RNF168: variants seen among roughly 807,000 people sequenced by gnomAD.
The protein encoded by RNF168 is E3 ubiquitin-protein ligase RNF168.
RNF168 carries 34 observed loss-of-function variants against 34.9 expected under a neutral mutation model. The ratio of observed to expected loss-of-function variants is 0.97; its 90% CI spans 0.74 to 1.30. The LOEUF is 1.30. RNF168 is among the 50% of genes most tolerant of loss of function. The pLI, the probability that RNF168 is intolerant of heterozygous loss-of-function variation, is 0.00. For missense variants in RNF168, 725 were observed against 682.5 expected, an observed-to-expected ratio of 1.06 and a Z score of -0.69; for synonymous variants, 264 against 254.7, an observed-to-expected ratio of 1.04 and a Z score of -0.35.
intron 5 of RNF168, 82 bp downstream of exon 5, chr3:196,475,148 TA>T: frequency 1.2e-6 from 1 of 835,548 alleles, no homozygotes. Context: ...GGGCTTTTGT[TA>T]AAAGGTAGAA....
intron 5 of RNF168, among the ~76,000 whole-genome samples, chr3:196,473,476 G>A (rs1207004123): frequency 6.6e-6 from 1 of 152,228 alleles, no homozygotes; most frequent in Non-Finnish European, 1.5e-5. Context: ...CACCCCTGAT[G>A]TAGTACACCC....
rs759774277 is a variant in RNF168 at position 196,502,852 on chromosome 3, AACACGCCATGGTTT to A, written c.301+7_301+20del. ...AAAGACTTGCGGCTTTTGGCCAACA[AACACGCCATGGTTT>A]ACTCACCCACTTCCTCTGATTCTTG... On this transcript the variant is annotated splice_region_variant and intron_variant, in intron 1 of 5. Coordinates refer to ENST00000318037, the MANE Select transcript of RNF168 (RefSeq NM_152617.4). 19 of 1,609,522 alleles carry A rather than the reference AACACGCCATGGTTT, an allele frequency of 1.2e-5. No homozygotes were observed. In the African/African-American group the frequency reaches 2.4e-4, roughly 20 times the overall value.
In RNF168 at chr3:196,472,783, C is replaced by T. The variant is rs375466986; in HGVS notation, c.763-11G>A. On this transcript the variant is annotated splice_polypyrimidine_tract_variant and intron_variant, in intron 5 of 5. Transcript: ENST00000318037. ...ACTACTGTCAATGTCCTGTAGAAAACAGAAAAAGACTGAGTGAACCAGGGG... is the reference window on the plus strand; with the variant it reads ...ACTACTGTCAATGTCCTGTAGAAAATAGAAAAAGACTGAGTGAACCAGGGG... 2 of 1,525,800 alleles carry T rather than the reference C, an allele frequency of 1.3e-6. No individual in the cohort carries two copies. The highest frequency in any genetic ancestry group is 2.3e-5 in the East Asian group (1 of 44,346). The allele number at this position is 1,525,800 out of a possible 1,614,324, so 94.5% of individuals were successfully genotyped here.
intron 5 of RNF168, 196 bp downstream of exon 5, chr3:196,475,035 T>G (rs113427720): frequency 1.8e-6 from 1 of 557,304 alleles, no homozygotes. Context: ...CTTTGCTTTT[T>G]GTAGTATGTT....
intron 5 of RNF168, among the ~76,000 whole-genome samples, chr3:196,473,266 C>G (rs897200513): frequency 6.6e-6 from 1 of 152,136 alleles, no homozygotes; most frequent in African/African-American, 2.4e-5. Context: ...TTAGGTGAAG[C>G]TTACAGACCA....
At position 196,471,550 on chromosome 3, in the gene RNF168, G is replaced by C. The variant is rs1732007380; in HGVS notation, c.*269C>G. 2 of 386,842 alleles carry C rather than the reference G, an allele frequency of 5.2e-6. No homozygotes were observed. Among genetic ancestry groups the C allele is most frequent in the African/African-American group, 4.0e-5 (2 of 49,428 alleles). The allele number at this position is 386,842 out of a possible 1,614,324, so 24.0% of individuals were successfully genotyped here. On this transcript the variant is annotated 3_prime_UTR_variant, in exon 6 of 6. Coordinates refer to ENST00000318037, the MANE Select transcript of RNF168 (RefSeq NM_152617.4). ...CAATGGCACTTGAAGATTTCCTGGA[G>C]TTGGCCAAAGCTTAAGATATCTCTA...
chr3:196,493,193 C>T (rs79126153), intron 1 of RNF168, among the ~76,000 whole-genome samples: 3,269 of 152,154 alleles, frequency 0.021, 126 homozygotes, highest in African/African-American at 0.076. Flanking sequence ...AAGGCACGTG[C>T]GATTTACAGA....
Position 196,472,694 on chromosome 3 carries a change from T to G in RNF168, c.841A>C (p.Ile281Leu). Residue 281 changes from isoleucine (I) to leucine (L), a missense_variant, in exon 6 of 6, where the codon ATA (isoleucine) becomes CTA (leucine). By Grantham distance (5) the Ile-to-Leu change is conservative (BLOSUM62 2). Coordinates refer to ENST00000318037, the MANE Select transcript of RNF168 (RefSeq NM_152617.4). The part of the protein sequence containing the change: ...IEDMPTLSPQ[I>L]SLGVGEQGAD... ...CCTTGTTCTCCAACTCCAAGGGATATCTGTGGAGAAAGTGTCGGCATATCT... is the reference window on the plus strand; with the variant it reads ...CCTTGTTCTCCAACTCCAAGGGATAGCTGTGGAGAAAGTGTCGGCATATCT... 6.2e-7 allele frequency: 1 copy of G among 1,607,070 alleles called. No individual in the cohort carries two copies. The highest frequency in any genetic ancestry group is 1.1e-5 in the South Asian group (1 of 90,952).
At chr3:196,482,614 T>C (rs1478774250) in intron 4 of RNF168, among the ~76,000 whole-genome samples, 1 of 152,232 alleles carries the variant, frequency 6.6e-6, no homozygotes, top group Non-Finnish European at 1.5e-5. Context: ...ACTTATTATT[T>C]TCCCTTTTTG....
chr3:196,475,434 A>C (rs1732121449), intron 4 of RNF168, 122 bp from the exon 5 acceptor site: 1 of 701,802 alleles, frequency 1.4e-6, no homozygotes, highest in African/African-American at 1.8e-5. Flanking sequence ...ATCAGAGTGT[A>C]TCTCATTTCC....
Position 196,476,418 on chromosome 3 carries a change from CT to C in RNF168, c.681-1107del, listed in dbSNP as rs869289943. On this transcript the variant is annotated intron_variant, in intron 4 of 5. Coordinates refer to ENST00000318037, the MANE Select transcript of RNF168 (RefSeq NM_152617.4). ...TACATACTTTTATATCAACTCTCTT[CT>C]TTTTTTTTTTTTTCTGAGACGGAGT... is the stretch of plus-strand genomic sequence containing the variant. Among the ~76,000 whole-genome samples, 287 of 131,318 alleles carry C rather than the reference CT, an allele frequency of 2.2e-3. 1 individual carries two copies. Among genetic ancestry groups the C allele is most frequent in the African/African-American group, 4.3e-3 (159 of 36,764 alleles). The allele number at this position is 131,318 out of a possible 152,430, so 86.1% of individuals were successfully genotyped here. A position where few individuals can be genotyped will look rare whatever the true frequency, so the allele number is the denominator to read the frequency against.
chr3:196,494,601 T>C (rs1222380197), intron 1 of RNF168, among the ~76,000 whole-genome samples: 2 of 152,200 alleles, frequency 1.3e-5, no homozygotes, highest in Non-Finnish European at 1.5e-5. Context: ...ATTCCTGGGC[T>C]GGGCACAGGG....
chr3:196,496,813 G>A (rs1732753731), intron 1 of RNF168, among the ~76,000 whole-genome samples: 1 of 152,140 alleles, frequency 6.6e-6, no homozygotes, highest in Admixed American at 6.6e-5. Flanking sequence ...AGACCAGCCT[G>A]GGCAGCATAG....
At chr3:196,499,605 G>A (rs59165972) in intron 1 of RNF168, among the ~76,000 whole-genome samples, 5,741 of 152,162 alleles carry the variant, frequency 0.038, 351 homozygotes, top group African/African-American at 0.13. Flanking sequence ...GGTGGATCAC[G>A]AGGTCAAGAG....
At chr3:196,492,047 A>C (rs1560274071) in intron 1 of RNF168, among the ~76,000 whole-genome samples, 1 of 152,236 alleles carries the variant, frequency 6.6e-6, no homozygotes, top group Non-Finnish European at 1.5e-5. Context: ...GAAAGTTCAG[A>C]GATGAATGGT....
chr3:196,488,152 A>G (rs1455428686), intron 2 of RNF168, among the ~76,000 whole-genome samples: 1 of 152,198 alleles, frequency 6.6e-6, no homozygotes, highest in Non-Finnish European at 1.5e-5. Flanking sequence ...AGTAAATTAC[A>G]GCAAAAAACA....
chr3:196,474,524 C>T (rs1463837979), intron 5 of RNF168, among the ~76,000 whole-genome samples: 34 of 150,548 alleles, frequency 2.3e-4, no homozygotes, highest in African/African-American at 8.3e-4. Flanking sequence ...CTCAGCTCAC[C>T]GCAACCTCTA....
intron 1 of RNF168, among the ~76,000 whole-genome samples, chr3:196,497,699 GA>G (rs980248605): frequency 1.3e-5 from 2 of 149,772 alleles, no homozygotes; most frequent in Non-Finnish European, 3.0e-5. Flanking sequence ...AAATCTTTTA[GA>G]AAAAAAAATA....
At chr3:196,499,590 A>G (rs543361693) in intron 1 of RNF168, among the ~76,000 whole-genome samples, 5 of 152,310 alleles carry the variant, frequency 3.3e-5, no homozygotes, top group Admixed American at 1.3e-4. Context: ...TTGGAGGCCA[A>G]GACAGGTGGA....
Sources: allele counts gnomAD v4.1 joint callset (sites outside exome capture counted in the v4.1 genomes callset), GRCh38; gene constraint gnomAD v4.1.1; transcripts MANE v1.5; gene names NCBI Gene and HGNC (gene_info 2026-07-23, HGNC 2026-07-21).